The following CSMD1 variants were observed in gnomAD, a reference collection of about 807,000 sequenced individuals.
CSMD1 encodes the protein CUB and Sushi multiple domains 1.
CSMD1 carries 213 observed loss-of-function variants against 417.5 expected under a neutral mutation model. The observed-to-expected ratio is 0.51, with a 90% confidence interval of 0.46 to 0.57. The LOEUF is 0.57. CSMD1 is among the 20% of genes least tolerant of loss of function. The probability of loss-of-function intolerance (pLI) is 0.00; values close to 1 mark genes in which losing one functional copy is unlikely to be tolerated. For missense variants in CSMD1, 6,923 were observed against 4,529.7 expected (o/e 1.53, Z -15.17); for synonymous variants, 2,862 against 1,736.8 (o/e 1.65, Z -16.11).
At chr8:4,378,498 C>G (rs936180268) in intron 3 of CSMD1, among the ~76,000 whole-genome samples, 34 of 152,208 alleles carry the variant, frequency 2.2e-4, no homozygotes, top group Non-Finnish European at 4.6e-4. Context: ...TTATCTCTCT[C>G]TCTCTCTTTC....
intron 3 of CSMD1, among the ~76,000 whole-genome samples, chr8:4,399,058 G>T (rs1255507210): frequency 6.6e-6 from 1 of 152,174 alleles, no homozygotes; most frequent in Non-Finnish European, 1.5e-5. Flanking sequence ...AAGAATCTCA[G>T]TCGTAACATT....
chr8:3,337,483 G>T (rs1189898246), intron 23 of CSMD1, among the ~76,000 whole-genome samples: 1 of 152,060 alleles, frequency 6.6e-6, no homozygotes, highest in Non-Finnish European at 1.5e-5. Flanking sequence ...AGATCTCTTT[G>T]CGGTTGGCAG....
At chr8:3,341,132 G>A (rs1446778043) in intron 23 of CSMD1, among the ~76,000 whole-genome samples, 1 of 152,150 alleles carries the variant, frequency 6.6e-6, no homozygotes, top group Non-Finnish European at 1.5e-5. Context: ...TAGAGTCACA[G>A]TATCCATGTG....
chr8:3,209,472 A>G (rs1372886056), intron 30 of CSMD1, among the ~76,000 whole-genome samples: 1 of 151,926 alleles, frequency 6.6e-6, no homozygotes, highest in Non-Finnish European at 1.5e-5. Flanking sequence ...ACCTGCCACC[A>G]TGCCCGGCTA....
At chr8:3,790,107 T>G (rs1416325952) in intron 5 of CSMD1, among the ~76,000 whole-genome samples, 9 of 152,226 alleles carry the variant, frequency 5.9e-5, no homozygotes, top group African/African-American at 2.2e-4. Flanking sequence ...ATGAAAGTGT[T>G]AGCTGCTTAT....
chr8:3,366,204 T>C (rs1191780111), intron 20 of CSMD1, among the ~76,000 whole-genome samples: 1 of 152,146 alleles, frequency 6.6e-6, no homozygotes. Context: ...TTCCCATCCT[T>C]TGGCAGCTGT....
At chr8:4,470,527 A>C (rs950516310) in intron 2 of CSMD1, among the ~76,000 whole-genome samples, 1 of 152,242 alleles carries the variant, frequency 6.6e-6, no homozygotes. Context: ...ACATTAAATG[A>C]ACTCAGACAA....
intron 17 of CSMD1, among the ~76,000 whole-genome samples, chr8:3,389,376 C>T (rs1811210074): frequency 1.3e-5 from 2 of 152,050 alleles, no homozygotes. Context: ...CGTTTGGTTG[C>T]CTGTTGCTGC....
At chr8:4,854,453 T>C (rs919557853) in intron 1 of CSMD1, among the ~76,000 whole-genome samples, 2 of 152,154 alleles carry the variant, frequency 1.3e-5, no homozygotes, top group African/African-American at 4.8e-5. Flanking sequence ...CAGCTCCCAC[T>C]GTGAGCGACG....
chr8:4,957,241 T>C (rs566748811), intron 1 of CSMD1, among the ~76,000 whole-genome samples: 14 of 152,294 alleles, frequency 9.2e-5, no homozygotes, highest in African/African-American at 3.4e-4. Flanking sequence ...TATTACTGAG[T>C]TGCCTTCAGG....
At chr8:4,239,256 C>G (rs538083488) in intron 3 of CSMD1, among the ~76,000 whole-genome samples, 1 of 152,194 alleles carries the variant, frequency 6.6e-6, no homozygotes, top group African/African-American at 2.4e-5. Context: ...ACAGTGGATG[C>G]TGAGGTTGGA....
intron 10 of CSMD1, among the ~76,000 whole-genome samples, chr8:3,509,195 G>C (rs187667299): frequency 2.4e-3 from 370 of 152,260 alleles, no homozygotes; most frequent in African/African-American, 8.0e-3. Flanking sequence ...ATTGGTTTCG[G>C]AAATCTGGGC....
chr8:3,526,800 C>T (rs1168542358), intron 10 of CSMD1, among the ~76,000 whole-genome samples: 2 of 152,158 alleles, frequency 1.3e-5, no homozygotes, highest in South Asian at 2.1e-4. Context: ...CAGCAGACGA[C>T]GCTGGTTATG....
intron 7 of CSMD1, among the ~76,000 whole-genome samples, chr8:3,689,725 T>A (rs1488979161): frequency 1.3e-5 from 2 of 151,980 alleles, no homozygotes; most frequent in East Asian, 3.9e-4. Flanking sequence ...CAATCCCTTT[T>A]TAGTGATGAA....
At chr8:4,514,963 C>A (rs541261515) in intron 2 of CSMD1, among the ~76,000 whole-genome samples, 2 of 152,164 alleles carry the variant, frequency 1.3e-5, no homozygotes, top group Non-Finnish European at 2.9e-5. Context: ...AGATTTTTGG[C>A]CTTTTAAGCC....
intron 3 of CSMD1, among the ~76,000 whole-genome samples, chr8:4,072,265 G>C (rs1013194029): frequency 2.6e-5 from 4 of 152,022 alleles, no homozygotes; most frequent in Admixed American, 2.0e-4. Flanking sequence ...GAGTTTATTT[G>C]GCCATCCTGA....
At chr8:4,481,237 AT>A (rs1801082841) in intron 2 of CSMD1, among the ~76,000 whole-genome samples, 1 of 152,230 alleles carries the variant, frequency 6.6e-6, no homozygotes, top group Non-Finnish European at 1.5e-5. Flanking sequence ...AAGAGTCCAA[AT>A]TTAGATTTGT....
At chr8:4,528,472 C>G (rs1236611456) in intron 2 of CSMD1, among the ~76,000 whole-genome samples, 1 of 152,150 alleles carries the variant, frequency 6.6e-6, no homozygotes, top group African/African-American at 2.4e-5. Context: ...AAATGAGAAT[C>G]ATGTAAGACT....
intron 1 of CSMD1, among the ~76,000 whole-genome samples, chr8:4,813,538 A>G (rs370587047): frequency 6.6e-6 from 1 of 152,172 alleles, no homozygotes; most frequent in Non-Finnish European, 1.5e-5. Context: ...ACACCAGTGA[A>G]TGTGTTAACT....
Sources: allele counts gnomAD v4.1 joint callset (sites outside exome capture counted in the v4.1 genomes callset), GRCh38; gene constraint gnomAD v4.1.1; transcripts MANE v1.5; gene names NCBI Gene and HGNC (gene_info 2026-07-23, HGNC 2026-07-21).